The following CSTL1 variants were observed in gnomAD, a reference collection of about 807,000 sequenced individuals.
CSTL1 encodes the protein cystatin like 1.
In CSTL1, 14 loss-of-function variants were observed where a neutral mutation model predicts 14.4. The ratio of observed to expected loss-of-function variants is 0.97; its 90% CI spans 0.64 to 1.52. The LOEUF (loss-of-function observed/expected upper bound fraction) is 1.52. Among genes scored for constraint, CSTL1 ranks in the 40% most tolerant of loss-of-function variants. The pLI, the probability that CSTL1 is intolerant of heterozygous loss-of-function variation, is 0.00. For synonymous variants in CSTL1, 72 were observed against 67.5 expected, an observed-to-expected ratio of 1.07 and a Z score of -0.33; for missense variants, 170 against 168.7, an observed-to-expected ratio of 1.01 and a Z score of -0.04.
chr20:23,451,713 G>T, the CSTL1 span: 1 of 830,440 alleles, frequency 1.2e-6, no homozygotes, highest in Non-Finnish European at 1.9e-6. Flanking sequence ...TTTCAAGCCA[G>T]CTTGAGTAAA....
chr20:23,456,450 G>C, the CSTL1 span, among the ~76,000 whole-genome samples: 1 of 152,194 alleles, frequency 6.6e-6, no homozygotes, highest in East Asian at 1.9e-4. Context: ...GTGTCAGAAC[G>C]AGCAGAGAAG....
chr20:23,455,453 A>G, the CSTL1 span, among the ~76,000 whole-genome samples: 2 of 152,242 alleles, frequency 1.3e-5, no homozygotes, highest in South Asian at 4.1e-4. Flanking sequence ...CATATTTACT[A>G]CATGTCTCCG....
At chr20:23,456,712 A>G in the CSTL1 span, among the ~76,000 whole-genome samples, 2 of 152,316 alleles carry the variant, frequency 1.3e-5, no homozygotes, top group South Asian at 2.1e-4. Flanking sequence ...TACCAGCCCT[A>G]CAATCAAGGT....
At chr20:23,443,056 C>T (rs551506445) in intron 2 of CSTL1, among the ~76,000 whole-genome samples, 27 of 152,324 alleles carry the variant, frequency 1.8e-4, no homozygotes, top group African/African-American at 6.3e-4. Flanking sequence ...CCCTGGCATG[C>T]GTTCTCCATG....
downstream of CSTL1, among the ~76,000 whole-genome samples, chr20:23,445,957 A>C (rs1986957638): frequency 6.6e-6 from 1 of 152,198 alleles, no homozygotes; most frequent in African/African-American, 2.4e-5. Flanking sequence ...AGCACGCTCA[A>C]TTCCCCCAGA....
the CSTL1 span, chr20:23,458,396 C>A: frequency 1.1e-4 from 17 of 152,186 alleles, no homozygotes; most frequent in African/African-American, 3.9e-4. Context: ...CTCTTAAACT[C>A]CAGTGGCTTT....
downstream of CSTL1, among the ~76,000 whole-genome samples, chr20:23,449,287 C>T (rs1387119944): frequency 6.6e-6 from 1 of 152,130 alleles, no homozygotes; most frequent in Non-Finnish European, 1.5e-5. Context: ...GCCAGAGGTA[C>T]TAGGGAATTC....
At chr20:23,454,919 G>T in the CSTL1 span, among the ~76,000 whole-genome samples, 1 of 152,202 alleles carries the variant, frequency 6.6e-6, no homozygotes, top group Non-Finnish European at 1.5e-5. Context: ...TCCTTGCAGT[G>T]GGGGTAGTCT....
the CSTL1 span, chr20:23,450,466 C>T: frequency 7.5e-7 from 1 of 1,327,154 alleles, no homozygotes; most frequent in African/African-American, 1.5e-5. Flanking sequence ...TTGCAGGATT[C>T]TCTCACATGC....
downstream of CSTL1, among the ~76,000 whole-genome samples, chr20:23,448,680 T>C (rs1164059697): frequency 6.6e-6 from 1 of 152,216 alleles, no homozygotes; most frequent in East Asian, 1.9e-4. Context: ...GCATAAATGT[T>C]CCACCTTCTC....
the CSTL1 span, among the ~76,000 whole-genome samples, chr20:23,455,774 G>T: frequency 1.3e-5 from 2 of 152,244 alleles, no homozygotes; most frequent in African/African-American, 4.8e-5. Context: ...CTTCCACAGG[G>T]TTGCACTGGC....
At chr20:23,441,250 C>G (rs915575019) in intron 2 of CSTL1, among the ~76,000 whole-genome samples, 3 of 152,172 alleles carry the variant, frequency 2.0e-5, no homozygotes, top group African/African-American at 7.2e-5. Context: ...CTGTGTTATA[C>G]AAACTTCAAA....
At chr20:23,445,218 C>CCTTTCTTT (rs970268441), downstream of CSTL1, among the ~76,000 whole-genome samples, 5 of 150,846 alleles carry the variant, frequency 3.3e-5, no homozygotes, top group South Asian at 8.4e-4. Flanking sequence ...TCTTTCTTTT[C>CCTTTCTTT]CTTTCTTTCT....
At chr20:23,450,698 C>A in the CSTL1 span, 3 of 622,378 alleles carry the variant, frequency 4.8e-6, no homozygotes, top group Non-Finnish European at 8.2e-6. Context: ...CACCTCTCCA[C>A]CCCTACAATC....
At chr20:23,446,244 CCTTT>C (rs1311948919), downstream of CSTL1, among the ~76,000 whole-genome samples, 3 of 151,488 alleles carry the variant, frequency 2.0e-5, no homozygotes, top group South Asian at 2.1e-4. Flanking sequence ...TTGCAAGCAG[CCTTT>C]CTTTCTTTTT....
Position 23,440,139 on chromosome 20 carries a change from T to C in CSTL1, c.-124-5T>C, listed in dbSNP as rs1044230745. ...GTTCAGGTCTGAATCTCTGTTTAAA[T>C]GCAGGCAGGCCATCCCCCAGGAAAG... On this transcript the variant is annotated splice_polypyrimidine_tract_variant and splice_region_variant and intron_variant, in intron 1 of 3. Transcript: ENST00000347397. 1 of 851,362 alleles carries C rather than the reference T, an allele frequency of 1.2e-6. No individual in the cohort carries two copies. The highest frequency in any genetic ancestry group is 1.7e-5 in the South Asian group (1 of 60,396). 52.7% of individuals were successfully genotyped at this position (851,362 alleles called of 1,614,324 possible). A position where few individuals can be genotyped will look rare whatever the true frequency, so the allele number is the denominator to read the frequency against.
chr20:23,440,651 T>A (rs1389708000), intron 2 of CSTL1, 165 bp downstream of exon 2: 1 of 711,230 alleles, frequency 1.4e-6, no homozygotes, highest in East Asian at 2.7e-5. Flanking sequence ...GTTGTTCAGA[T>A]CCCAGAATGT....
At chr20:23,455,807 C>G in the CSTL1 span, among the ~76,000 whole-genome samples, 9 of 152,228 alleles carry the variant, frequency 5.9e-5, no homozygotes, top group African/African-American at 2.2e-4. Context: ...TGGTTGATCT[C>G]GTCAGTGGCC....
the CSTL1 span, among the ~76,000 whole-genome samples, chr20:23,452,203 G>A: frequency 1.3e-5 from 2 of 152,160 alleles, no homozygotes; most frequent in Admixed American, 1.3e-4. Context: ...AACTTTTTCC[G>A]TAAAGGGCTA....
Sources: gnomAD v4.1 joint callset for allele counts (sites outside exome capture counted in the v4.1 genomes callset) on GRCh38, gnomAD v4.1.1 for gene constraint, MANE v1.5 for transcripts, NCBI Gene and HGNC (gene_info 2026-07-23, HGNC 2026-07-21) for gene names.